Variants in COLGALT2 observed in about 807,000 individuals in gnomAD.
COLGALT2 encodes the protein collagen beta(1-O)galactosyltransferase 2.
In COLGALT2, 49 loss-of-function variants were observed where a neutral mutation model predicts 73.4. The observed-to-expected ratio is 0.67, with a 90% CI of 0.53 to 0.85. The LOEUF is 0.85. COLGALT2 is among the 40% of genes least tolerant of loss of function. The probability of loss-of-function intolerance (pLI) is 0.00; values close to 1 mark genes in which losing one functional copy is unlikely to be tolerated. For synonymous variants in COLGALT2, 295 were observed against 307.6 expected (o/e 0.96, Z 0.43); for missense variants, 722 against 790.2 (o/e 0.91, Z 1.03).
chr1:183,972,165 G>A (rs1393772487), intron 4 of COLGALT2, among the ~76,000 whole-genome samples: 1 of 152,184 alleles, frequency 6.6e-6, no homozygotes, highest in Admixed American at 6.5e-5. Flanking sequence ...CAGTGCAGTG[G>A]TGTGATCATA....
At chr1:184,004,745 C>A (rs1174006515) in intron 1 of COLGALT2, among the ~76,000 whole-genome samples, 2 of 152,132 alleles carry the variant, frequency 1.3e-5, no homozygotes, top group East Asian at 3.9e-4. Flanking sequence ...TACTGCAAAA[C>A]AGTCTCACTA....
At chr1:184,021,978 C>T (rs1649194833) in intron 1 of COLGALT2, among the ~76,000 whole-genome samples, 1 of 152,140 alleles carries the variant, frequency 6.6e-6, no homozygotes, top group Non-Finnish European at 1.5e-5. Flanking sequence ...GTTGATTGTT[C>T]AGGGGTCTGG....
chr1:183,998,463 C>T (rs1558331227), intron 1 of COLGALT2, among the ~76,000 whole-genome samples: 1 of 152,088 alleles, frequency 6.6e-6, no homozygotes, highest in Admixed American at 6.6e-5. Flanking sequence ...AATGATTTCC[C>T]ACTTTATGGG....
chr1:183,975,408 A>G (rs921324842), intron 2 of COLGALT2, among the ~76,000 whole-genome samples, 194 bp from the exon 3 acceptor site: 2 of 152,214 alleles, frequency 1.3e-5, no homozygotes, highest in African/African-American at 4.8e-5. Context: ...TGCTCATTGT[A>G]TACAAGAATC....
chr1:184,013,024 G>A (rs1344764614), intron 1 of COLGALT2, among the ~76,000 whole-genome samples: 3 of 152,188 alleles, frequency 2.0e-5, no homozygotes, highest in African/African-American at 4.8e-5. Flanking sequence ...TTATAAGAGT[G>A]TTAAGGGAGG....
intron 1 of COLGALT2, among the ~76,000 whole-genome samples, chr1:184,027,993 A>G (rs1558343341): frequency 1.3e-5 from 2 of 152,192 alleles, no homozygotes; most frequent in South Asian, 4.1e-4. Context: ...GAAGCTGCAT[A>G]TAAGCTTACT....
chr1:183,932,609 G>T (rs896604943), downstream of COLGALT2, among the ~76,000 whole-genome samples: 1 of 152,134 alleles, frequency 6.6e-6, no homozygotes, highest in African/African-American at 2.4e-5. Context: ...GCTGGAGGGC[G>T]TCCAGGGCTC....
intron 1 of COLGALT2, among the ~76,000 whole-genome samples, chr1:184,014,043 C>A (rs768568366): frequency 6.6e-6 from 1 of 152,078 alleles, no homozygotes; most frequent in Non-Finnish European, 1.5e-5. Flanking sequence ...AATCTCTGGA[C>A]CATTCACATG....
intron 5 of COLGALT2, 88 bp downstream of exon 5, chr1:183,969,181 T>TG: frequency 4.2e-6 from 5 of 1,200,888 alleles, no homozygotes; most frequent in Non-Finnish European, 5.7e-6. Flanking sequence ...ATATGAGGGT[T>TG]TTTTTTTTTA....
At chr1:183,991,344 T>C (rs919110415) in intron 1 of COLGALT2, among the ~76,000 whole-genome samples, 1 of 152,224 alleles carries the variant, frequency 6.6e-6, no homozygotes, top group Admixed American at 6.5e-5. Flanking sequence ...ATAAATCATT[T>C]TGATTTTTTT....
chr1:183,978,341 A>T (rs1671261146), intron 2 of COLGALT2, 69 bp downstream of exon 2: 1 of 810,926 alleles, frequency 1.2e-6, no homozygotes. Context: ...CCAAACCTGG[A>T]AGCCCTAAAG....
intron 6 of COLGALT2, among the ~76,000 whole-genome samples, chr1:183,957,598 T>TA (rs1156840966): frequency 1.3e-5 from 2 of 152,188 alleles, no homozygotes; most frequent in African/African-American, 4.8e-5. Context: ...TTCAAACACT[T>TA]ACATGCTCTC....
At chr1:184,001,089 T>C (rs1422083314) in intron 1 of COLGALT2, among the ~76,000 whole-genome samples, 2 of 152,136 alleles carry the variant, frequency 1.3e-5, no homozygotes, top group Non-Finnish European at 2.9e-5. Flanking sequence ...TGCCTCGGCC[T>C]CCCGAAGTGC....
At chr1:183,942,840 T>A (rs1020526838) in intron 10 of COLGALT2, among the ~76,000 whole-genome samples, 1 of 152,244 alleles carries the variant, frequency 6.6e-6, no homozygotes, top group African/African-American at 2.4e-5. Context: ...CTGTCGGTAC[T>A]TTGTCCTGAG....
intron 6 of COLGALT2, among the ~76,000 whole-genome samples, chr1:183,963,571 T>C (rs1388385751): frequency 6.6e-6 from 1 of 152,154 alleles, no homozygotes; most frequent in East Asian, 1.9e-4. Flanking sequence ...TATTACTTGC[T>C]CAAAGTCATA....
In COLGALT2 at chr1:183,975,171, G is replaced by A. The variant is rs1031468333; in HGVS notation, c.418C>T (p.Arg140Trp). 9.9e-6 allele frequency: 16 copies of A among 1,613,994 alleles called. No individual in the cohort carries two copies. Among genetic ancestry groups the A allele is most frequent in the South Asian group, 2.2e-5 (2 of 91,078 alleles). ...CGTAGTTTCATCACATGGGCAAACC[G>A]GGAGGTTGGCCAGTGCTTTGGTCCA... ...EIGPKHWPTS[R>W]FAHVMKLRQA... is the part of the protein sequence containing the mutation. The change falls in exon 3 of 12, where the codon CGG becomes TGG. Residue 140 changes from arginine (R) to tryptophan (W), a missense_variant. Coordinates refer to ENST00000361927, the MANE Select transcript of COLGALT2 (RefSeq NM_015101.4).
chr1:184,032,411 T>C (rs561164241), intron 1 of COLGALT2, among the ~76,000 whole-genome samples: 6 of 152,352 alleles, frequency 3.9e-5, no homozygotes, highest in Admixed American at 3.3e-4. Flanking sequence ...CTTGTAACAA[T>C]AACTCTTTGA....
At chr1:183,956,128 A>G (rs1670550125) in intron 6 of COLGALT2, among the ~76,000 whole-genome samples, 1 of 152,230 alleles carries the variant, frequency 6.6e-6, no homozygotes, top group Admixed American at 6.5e-5. Flanking sequence ...CCATTGTTGT[A>G]TGAAGCCAAT....
chr1:184,007,291 A>G (rs980315818), intron 1 of COLGALT2, among the ~76,000 whole-genome samples: 1 of 152,176 alleles, frequency 6.6e-6, no homozygotes, highest in African/African-American at 2.4e-5. Flanking sequence ...GCAAATCTCA[A>G]TCCCTTTATT....
Sources: gnomAD v4.1 joint callset for allele counts (sites outside exome capture counted in the v4.1 genomes callset) on GRCh38, gnomAD v4.1.1 for gene constraint, MANE v1.5 for transcripts, NCBI Gene and HGNC (gene_info 2026-07-23, HGNC 2026-07-21) for gene names.